The following ST6GALNAC3 variants were observed in gnomAD, a reference collection of about 807,000 sequenced individuals.
ST6GALNAC3 encodes alpha-N-acetylgalactosaminide alpha-2,6-sialyltransferase 3.
A neutral mutation model predicts 32.7 loss-of-function variants in ST6GALNAC3; 25 were observed. The observed-to-expected ratio is 0.76, with a 90% CI of 0.56 to 1.07. The LOEUF (loss-of-function observed/expected upper bound fraction) is 1.07. Among genes scored for constraint, ST6GALNAC3 ranks in the 50% least tolerant of loss-of-function variants. The pLI is 0.00. For missense variants in ST6GALNAC3, 355 were observed against 382.4 expected (o/e 0.93, Z 0.60); for synonymous variants, 129 against 133.1 (o/e 0.97, Z 0.21).
intron 3 of ST6GALNAC3, among the ~76,000 whole-genome samples, chr1:76,455,871 A>G (rs1179780180): frequency 6.6e-6 from 1 of 152,154 alleles, no homozygotes; most frequent in Non-Finnish European, 1.5e-5. Flanking sequence ...CACCTTAGGA[A>G]TTGAAAGAAT....
intron 1 of ST6GALNAC3, among the ~76,000 whole-genome samples, chr1:76,294,054 G>A (rs1660250210): frequency 6.6e-6 from 1 of 152,062 alleles, no homozygotes. Flanking sequence ...TTTAACGAGG[G>A]ACTATACATT....
In ST6GALNAC3 at chr1:76,628,895, T is replaced by C; in HGVS notation, c.*89T>C. 2 of 1,564,084 alleles carry C rather than the reference T, an allele frequency of 1.3e-6. No homozygotes were observed. The highest frequency in any genetic ancestry group is 1.7e-6 in the Non-Finnish European group (2 of 1,163,784). On this transcript the variant is annotated 3_prime_UTR_variant, in exon 5 of 5. Transcript: ENST00000328299. The stretch of plus-strand genomic sequence containing the variant: ...ATGATGCTAATGGAGATGATGGTAA[T>C]GATAAAGACAACAACAATGATTATC...
At position 76,358,583 on chromosome 1, in the gene ST6GALNAC3, A is replaced by G. The variant is rs186953557; in HGVS notation, c.213+44584A>G. Among the ~76,000 whole-genome samples, 1,035 of 152,290 alleles carry G rather than the reference A, an allele frequency of 6.8e-3. 7 individuals are homozygous for G. The highest frequency in any genetic ancestry group is 0.024 in the African/African-American group (1,012 of 41,568). On this transcript the variant is annotated intron_variant, in intron 2 of 4. Coordinates refer to ENST00000328299, the MANE Select transcript of ST6GALNAC3 (RefSeq NM_152996.4). ...TCCCTTGCTTACCTAGATTTCTGCAAAAACTAGGCTACCCCCATCCACATT... is the reference window on the plus strand; with the variant it reads ...TCCCTTGCTTACCTAGATTTCTGCAGAAACTAGGCTACCCCCATCCACATT...
At chr1:76,087,175 C>G (rs1646975751) in intron 1 of ST6GALNAC3, among the ~76,000 whole-genome samples, 1 of 152,164 alleles carries the variant, frequency 6.6e-6, no homozygotes, top group African/African-American at 2.4e-5. Context: ...CATGTGACTT[C>G]TAACTTGTGG....
At chr1:76,378,777 A>G (rs968765008) in intron 2 of ST6GALNAC3, among the ~76,000 whole-genome samples, 1 of 152,116 alleles carries the variant, frequency 6.6e-6, no homozygotes, top group African/African-American at 2.4e-5. Context: ...TATTGTAACC[A>G]TGTAGAGAGC....
intron 2 of ST6GALNAC3, among the ~76,000 whole-genome samples, chr1:76,338,981 T>C (rs1003862669): frequency 8.5e-5 from 13 of 152,328 alleles, no homozygotes; most frequent in Non-Finnish European, 1.9e-4. Context: ...TGAAGAGGTC[T>C]AACACTGTCA....
rs564665202 is a variant in ST6GALNAC3 at position 76,606,483 on chromosome 1, C to T, written c.624-20969C>T. Among the ~76,000 whole-genome samples the T allele has an allele frequency of 3.9e-5, 6 of 152,212 alleles. No homozygotes were observed. In the East Asian group the frequency reaches 1.2e-3, roughly 29 times the overall value. ...TGCAGGAACAGAAAAGCAAATACCA[C>T]ATGTTCTCACTTATAAGTGGGAGCT... On this transcript the variant is annotated intron_variant, in intron 3 of 4. Transcript: ENST00000328299.
In ST6GALNAC3 at chr1:76,471,123, T is replaced by A. The variant is rs79150365; in HGVS notation, c.623+58706T>A. Among the ~76,000 whole-genome samples the A allele has an allele frequency of 3.7e-4, 56 of 152,270 alleles. 1 individual carries two copies. The East Asian group carries it at 0.01, about 28-fold the overall frequency. ...AATATTAACTCCTTGGTTAACTTTC[T>A]TCAATCTACCTCTCAATCCTGGCAA... On this transcript the variant is annotated intron_variant, in intron 3 of 4. Coordinates refer to ENST00000328299, the MANE Select transcript of ST6GALNAC3 (RefSeq NM_152996.4).
At chr1:76,597,503 T>A (rs539982377) in intron 3 of ST6GALNAC3, among the ~76,000 whole-genome samples, 2 of 152,178 alleles carry the variant, frequency 1.3e-5, no homozygotes, top group East Asian at 3.9e-4. Flanking sequence ...TACCAAACCC[T>A]GTCCAGAATT....
chr1:76,217,906 C>A (rs1347074065), intron 1 of ST6GALNAC3, among the ~76,000 whole-genome samples: 3 of 152,016 alleles, frequency 2.0e-5, no homozygotes, highest in Non-Finnish European at 4.4e-5. Flanking sequence ...TTTTCTTTAT[C>A]AGCTTGTTGG....
At chr1:76,362,503 A>C (rs1169650930) in intron 2 of ST6GALNAC3, among the ~76,000 whole-genome samples, 1 of 152,224 alleles carries the variant, frequency 6.6e-6, no homozygotes, top group Non-Finnish European at 1.5e-5. Flanking sequence ...TTAACTCAAC[A>C]GTCCGAAGTC....
At chr1:76,432,946 G>C (rs969427965) in intron 3 of ST6GALNAC3, among the ~76,000 whole-genome samples, 1 of 152,134 alleles carries the variant, frequency 6.6e-6, no homozygotes, top group Non-Finnish European at 1.5e-5. Context: ...AAATGTGGGG[G>C]CATCTCCATT....
rs111403793 is a variant in ST6GALNAC3 at position 76,618,508 on chromosome 1, A to C, written c.624-8944A>C. On this transcript the variant is annotated intron_variant, in intron 3 of 4. Transcript: ENST00000328299. ...TCTAGTACATATAAATGCTCTAAAA[A>C]CAATACAATTATCAATCGAAAAATA... 2.6e-3 allele frequency among the ~76,000 whole-genome samples: 392 copies of C among 152,316 alleles called. 2 individuals are homozygous for C. Among genetic ancestry groups the C allele is most frequent in the African/African-American group, 8.9e-3 (368 of 41,568 alleles).
At chr1:76,358,802 T>C (rs1325286) in intron 2 of ST6GALNAC3, among the ~76,000 whole-genome samples, 42,675 of 152,096 alleles carry the variant, frequency 0.28, 6,204 homozygotes, top group Admixed American at 0.36. Context: ...TCTCATACCA[T>C]GTTGCTCTTA....
At chr1:76,114,516 A>G (rs1482984522) in intron 1 of ST6GALNAC3, among the ~76,000 whole-genome samples, 1 of 152,222 alleles carries the variant, frequency 6.6e-6, no homozygotes, top group Admixed American at 6.5e-5. Context: ...CAAAATATAA[A>G]TCTCTTTAAA....
chr1:76,132,130 A>G (rs963008851), intron 1 of ST6GALNAC3, among the ~76,000 whole-genome samples: 4 of 151,820 alleles, frequency 2.6e-5, no homozygotes, highest in Admixed American at 1.3e-4. Context: ...CCACTTCCAT[A>G]TTTCCCGTCC....
In ST6GALNAC3 at chr1:76,386,459, A is replaced by G. The variant is rs138108989; in HGVS notation, c.214-25549A>G. The stretch of plus-strand genomic sequence containing the variant: ...ATTGCGGTTGCTATTTTTATTTCTC[A>G]GCCAAGAGGCTCAAGCCAGGGTGAA... On this transcript the variant is annotated intron_variant, in intron 2 of 4. Transcript: ENST00000328299. Among the ~76,000 whole-genome samples, 258 of 103,036 alleles carry G rather than the reference A, an allele frequency of 2.5e-3. 2 individuals carry two copies. The Middle Eastern group carries it at 0.042, about 17-fold the overall frequency. The allele number at this position is 103,036 out of a possible 152,430, so 67.6% of individuals were successfully genotyped here. A position where few individuals can be genotyped will look rare whatever the true frequency, so the allele number is the denominator to read the frequency against.
At position 76,633,973 on chromosome 1, in the gene ST6GALNAC3, T is replaced by A. The variant is rs1649417705; in HGVS notation, c.*5167T>A. On this transcript the variant is annotated 3_prime_UTR_variant, in exon 5 of 5. Transcript: ENST00000328299. ...CACCAGAGTAAAATTCCATGTAAAT[T>A]GCTAAGGCATCGAATCAGAACTGTC... 6.2e-6 allele frequency: 1 copy of A among 162,454 alleles called. No individual in the cohort carries two copies. The highest frequency in any genetic ancestry group is 2.4e-5 in the African/African-American group (1 of 41,610). The allele number at this position is 162,454 out of a possible 1,614,324, so 10.1% of individuals were successfully genotyped here.
chr1:76,505,308 G>C (rs894059129), intron 3 of ST6GALNAC3, among the ~76,000 whole-genome samples: 4 of 152,056 alleles, frequency 2.6e-5, no homozygotes, highest in Admixed American at 6.6e-5. Flanking sequence ...ATTTTTACTA[G>C]AGATGGGGTT....
Sources: gnomAD v4.1 joint callset for allele counts (sites outside exome capture counted in the v4.1 genomes callset) on GRCh38, gnomAD v4.1.1 for gene constraint, MANE v1.5 for transcripts, NCBI Gene and HGNC (gene_info 2026-07-23, HGNC 2026-07-21) for gene names.